Variants in ACSBG2 observed in about 807,000 individuals in gnomAD.
The protein encoded by ACSBG2 is long-chain-fatty-acid--CoA ligase ACSBG2.
Under a neutral mutation model 74.7 loss-of-function variants are expected in ACSBG2, and 62 were observed. That is an observed-to-expected ratio of 0.83 (90% CI 0.68 to 1.03). The LOEUF (loss-of-function observed/expected upper bound fraction) is 1.03. ACSBG2 is among the 50% of genes least tolerant of loss of function. The pLI is 0.00. For synonymous variants in ACSBG2, 309 were observed against 294.1 expected, an observed-to-expected ratio of 1.05 and a Z score of -0.52; for missense variants, 730 against 817.6, an observed-to-expected ratio of 0.89 and a Z score of 1.31.
intron 6 of ACSBG2, among the ~76,000 whole-genome samples, chr19:6,165,371 A>G (rs2089760605): frequency 6.6e-6 from 1 of 152,210 alleles, no homozygotes; most frequent in African/African-American, 2.4e-5. Context: ...ACTTGATCCA[A>G]TCACCATAAC....
chr19:6,171,991 A>C (rs1200399334), intron 7 of ACSBG2, among the ~76,000 whole-genome samples: 1 of 151,986 alleles, frequency 6.6e-6, no homozygotes, highest in African/African-American at 2.4e-5. Flanking sequence ...TGCTTGGTCT[A>C]GTCTAACTAT....
chr19:6,172,843 A>C (rs895354064), intron 7 of ACSBG2, among the ~76,000 whole-genome samples: 1 of 152,126 alleles, frequency 6.6e-6, no homozygotes, highest in African/African-American at 2.4e-5. Flanking sequence ...GCAGGAAGAG[A>C]TCATGATGGG....
At chr19:6,160,988 T>C (rs780325550) in intron 5 of ACSBG2, among the ~76,000 whole-genome samples, 2 of 151,826 alleles carry the variant, frequency 1.3e-5, no homozygotes, top group Non-Finnish European at 2.9e-5. Context: ...CAATCCCAGA[T>C]ACTCAGGAGG....
chr19:6,190,804 C>G (rs1474181488), intron 14 of ACSBG2, 112 bp downstream of exon 14: 2 of 471,168 alleles, frequency 4.2e-6, no homozygotes, highest in Non-Finnish European at 3.8e-6. Context: ...CACACATACA[C>G]ACATACATAC....
Position 6,145,173 on chromosome 19 carries a change from C to T in ACSBG2, c.68-2273C>T, listed in dbSNP as rs182723862. ...CAGCACTTTGGGAAGCCGAGGCAGG[C>T]GGATCACAAGGTGAGGAGATCGAGA... On this transcript the variant is annotated intron_variant, in intron 2 of 14. Transcript: ENST00000588485. Among the ~76,000 whole-genome samples, 333 of 152,000 alleles carry T rather than the reference C, an allele frequency of 2.2e-3. 1 individual carries two copies. The highest frequency in any genetic ancestry group is 7.4e-3 in the African/African-American group (305 of 41,488).
At chr19:6,143,610 C>G (rs773806658) in intron 2 of ACSBG2, among the ~76,000 whole-genome samples, 3 of 152,112 alleles carry the variant, frequency 2.0e-5, no homozygotes, top group Non-Finnish European at 4.4e-5. Context: ...CCACAAGTGT[C>G]CAGGTGACAC....
intron 7 of ACSBG2, among the ~76,000 whole-genome samples, chr19:6,172,791 G>T (rs983407989): frequency 7.9e-5 from 12 of 152,242 alleles, no homozygotes; most frequent in African/African-American, 2.9e-4. Flanking sequence ...GAACCAGCAG[G>T]TAGGCTGGTG....
chr19:6,186,381 CTTT>C (rs1223088622), intron 11 of ACSBG2, among the ~76,000 whole-genome samples: 2 of 152,172 alleles, frequency 1.3e-5, no homozygotes, highest in Non-Finnish European at 2.9e-5. Flanking sequence ...AAAAATTCTT[CTTT>C]TGACTTCCAA....
At position 6,135,701 on chromosome 19, in the gene ACSBG2, A is replaced by T. The variant is rs1375558818; in HGVS notation, c.-240A>T. Reference sequence around the variant, plus strand: ...AGAAGGCCTGTTGTGGAGGGAAACCACCCATCCTCCTGCCTCCCACCACCA... The same window carrying T: ...AGAAGGCCTGTTGTGGAGGGAAACCTCCCATCCTCCTGCCTCCCACCACCA... On this transcript the variant is annotated 5_prime_UTR_variant, in exon 1 of 15. Transcript: ENST00000588485. The T allele has an allele frequency of 6.6e-6, 1 of 152,098 alleles. No individual in the cohort carries two copies. Among genetic ancestry groups the T allele is most frequent in the Non-Finnish European group, 1.5e-5 (1 of 68,094 alleles). 9.4% of individuals were successfully genotyped at this position (152,098 alleles called of 1,614,324 possible).
chr19:6,157,155 A>G (rs978599135), intron 5 of ACSBG2, among the ~76,000 whole-genome samples: 17 of 152,302 alleles, frequency 1.1e-4, no homozygotes, highest in Admixed American at 1.1e-3. Flanking sequence ...TCACCGTGTT[A>G]GCCAGGATGG....
At chr19:6,156,699 T>C in intron 5 of ACSBG2, 148 bp downstream of exon 5, 6 of 771,892 alleles carry the variant, frequency 7.8e-6, no homozygotes, top group Non-Finnish European at 9.1e-6. Flanking sequence ...CATTAGTATA[T>C]GTGGTGAAGC....
At chr19:6,143,120 T>C (rs12461239) in intron 2 of ACSBG2, among the ~76,000 whole-genome samples, 97,940 of 151,970 alleles carry the variant, frequency 0.64, 32,275 homozygotes, top group Admixed American at 0.71. Flanking sequence ...TCTCAACTTA[T>C]TGCAACCTCT....
At chr19:6,141,111 T>C (rs1209562244) in intron 1 of ACSBG2, among the ~76,000 whole-genome samples, 1 of 152,208 alleles carries the variant, frequency 6.6e-6, no homozygotes, top group Non-Finnish European at 1.5e-5. Context: ...AATTTAAAAA[T>C]TTTATGTAGC....
intron 6 of ACSBG2, among the ~76,000 whole-genome samples, chr19:6,164,434 C>CTT (rs542313082): frequency 9.3e-4 from 125 of 133,842 alleles, no homozygotes; most frequent in African/African-American, 2.7e-3. Context: ...TTTGAGGGGC[C>CTT]TTTTTTTTTT....
At chr19:6,154,433 A>AGAGAGAG (rs1555691736) in intron 4 of ACSBG2, among the ~76,000 whole-genome samples, 8 of 47,806 alleles carry the variant, frequency 1.7e-4, no homozygotes, top group East Asian at 2.1e-3. Context: ...AGAGAGAGAG[A>AGAGAGAG]AAATTATTAT....
Position 6,185,499 on chromosome 19 carries a change from G to A in ACSBG2, c.1386G>A (p.Gly462=). 2 of 1,614,194 alleles carry A rather than the reference G, an allele frequency of 1.2e-6. No individual in the cohort carries two copies. Among genetic ancestry groups the A allele is most frequent in the Non-Finnish European group, 1.7e-6 (2 of 1,180,040 alleles). The change falls in exon 11 of 15, where the codon GGG becomes GGA. Residue 462 remains glycine, a synonymous_variant. Coordinates refer to ENST00000588485, the MANE Select transcript of ACSBG2 (RefSeq NM_030924.5). ...MLFQQNKDGI[G]EICLWGRHIF... is the part of the protein sequence containing the mutation. ...TCCAGCAGAACAAGGATGGCATTGG[G>A]GAGATCTGCCTCTGGGGTAGGCACA... is the stretch of plus-strand genomic sequence containing the variant.
chr19:6,149,812 G>A (rs910732153), intron 3 of ACSBG2, among the ~76,000 whole-genome samples: 1 of 141,826 alleles, frequency 7.1e-6, no homozygotes, highest in Non-Finnish European at 1.5e-5. Context: ...CTGGCCTCAA[G>A]AGATCCACCC....
At chr19:6,151,649 A>AATG (rs1415011990) in intron 3 of ACSBG2, 58 bp from the exon 4 acceptor site, 1 of 1,486,510 alleles carries the variant, frequency 6.7e-7, no homozygotes, top group Admixed American at 2.0e-5. Flanking sequence ...CACATATCCT[A>AATG]ATGATATAAC....
intron 1 of ACSBG2, among the ~76,000 whole-genome samples, chr19:6,139,287 C>T (rs1446798035): frequency 1.3e-5 from 2 of 152,008 alleles, no homozygotes; most frequent in Non-Finnish European, 2.9e-5. Context: ...GACAGGGTTT[C>T]ACCATGTTGG....
Sources: gnomAD v4.1 joint callset for allele counts (sites outside exome capture counted in the v4.1 genomes callset) on GRCh38, gnomAD v4.1.1 for gene constraint, MANE v1.5 for transcripts, NCBI Gene and HGNC (gene_info 2026-07-23, HGNC 2026-07-21) for gene names.